Variants in LCLAT1 observed in about 807,000 individuals in gnomAD.
The protein encoded by LCLAT1 is 1-AGP acyltransferase 8.
Under a neutral mutation model 30.7 loss-of-function variants are expected in LCLAT1, and 11 were observed. That is an observed-to-expected ratio of 0.36 (90% confidence interval 0.23 to 0.59). The LOEUF (loss-of-function observed/expected upper bound fraction) is 0.59. Among genes scored for constraint, LCLAT1 ranks in the 20% least tolerant of loss-of-function variants. The probability of loss-of-function intolerance (pLI) is 0.77; values close to 1 mark genes in which losing one functional copy is unlikely to be tolerated. For synonymous variants in LCLAT1, 155 were observed against 151.3 expected (o/e 1.02, Z -0.18); for missense variants, 402 against 458.6 (o/e 0.88, Z 1.13).
chr2:30,509,238 T>C (rs1242148265), intron 1 of LCLAT1, among the ~76,000 whole-genome samples: 2 of 152,174 alleles, frequency 1.3e-5, no homozygotes, highest in African/African-American at 2.4e-5. Context: ...CTTCCTCTCT[T>C]CCTATTTGGA....
chr2:30,561,174 C>T (rs1179014429), intron 3 of LCLAT1, among the ~76,000 whole-genome samples: 2 of 152,108 alleles, frequency 1.3e-5, no homozygotes, highest in African/African-American at 4.8e-5. Context: ...AACTCCTGAC[C>T]TCAGGTGATT....
chr2:30,456,573 C>A (rs1038582034), intron 1 of LCLAT1, among the ~76,000 whole-genome samples: 1 of 151,882 alleles, frequency 6.6e-6, no homozygotes, highest in Admixed American at 6.6e-5. Flanking sequence ...GGGTGGGCCA[C>A]GGTTTTTTTC....
chr2:30,510,513 T>G (rs999705131), intron 1 of LCLAT1, among the ~76,000 whole-genome samples: 1 of 152,250 alleles, frequency 6.6e-6, no homozygotes, highest in African/African-American at 2.4e-5. Flanking sequence ...TGGAACGTTC[T>G]TTGTCTCCAC....
At chr2:30,582,671 A>G (rs1386162579) in intron 5 of LCLAT1, among the ~76,000 whole-genome samples, 1 of 152,156 alleles carries the variant, frequency 6.6e-6, no homozygotes, top group Non-Finnish European at 1.5e-5. Context: ...ATTTTATTTT[A>G]GTTTATTTCT....
chr2:30,560,738 C>T (rs370796588), intron 3 of LCLAT1, among the ~76,000 whole-genome samples: 1 of 152,158 alleles, frequency 6.6e-6, no homozygotes, highest in African/African-American at 2.4e-5. Flanking sequence ...GTCTTAGTTA[C>T]GTTCTTTGTT....
chr2:30,604,920 GA>G (rs1182212000), intron 5 of LCLAT1, among the ~76,000 whole-genome samples: 3 of 152,156 alleles, frequency 2.0e-5, no homozygotes, highest in African/African-American at 7.2e-5. Flanking sequence ...TGCCTGCCAG[GA>G]AAAAGGCTGC....
chr2:30,500,834 C>T (rs1684339069), intron 1 of LCLAT1, among the ~76,000 whole-genome samples: 1 of 152,106 alleles, frequency 6.6e-6, no homozygotes, highest in Non-Finnish European at 1.5e-5. Context: ...TAGAAATTGA[C>T]CCTCTCGGGC....
At chr2:30,555,984 C>T (rs1048824272) in intron 3 of LCLAT1, among the ~76,000 whole-genome samples, 5 of 151,808 alleles carry the variant, frequency 3.3e-5, no homozygotes, top group African/African-American at 4.8e-5. Flanking sequence ...GCAATAGAGA[C>T]GGGGTTTCAC....
chr2:30,609,446 C>G (rs766676350), intron 5 of LCLAT1, among the ~76,000 whole-genome samples: 11 of 152,020 alleles, frequency 7.2e-5, no homozygotes, highest in Non-Finnish European at 1.5e-5. Context: ...ACAGTGTGTA[C>G]TTAATCTGTT....
At chr2:30,482,499 C>T (rs548354100) in intron 1 of LCLAT1, among the ~76,000 whole-genome samples, 2 of 152,200 alleles carry the variant, frequency 1.3e-5, no homozygotes, top group African/African-American at 4.8e-5. Context: ...AAAGTTAATA[C>T]GTAACTTCCT....
chr2:30,545,260 G>A (rs557265917), intron 3 of LCLAT1, among the ~76,000 whole-genome samples: 82 of 152,176 alleles, frequency 5.4e-4, no homozygotes, highest in African/African-American at 1.8e-3. Context: ...GCATCGTAGT[G>A]GTCAACTATA....
At chr2:30,501,835 T>G (rs829665) in intron 1 of LCLAT1, among the ~76,000 whole-genome samples, 94,918 of 152,122 alleles carry the variant, frequency 0.62, 31,298 homozygotes, top group Admixed American at 0.77. Flanking sequence ...GATTAATGTC[T>G]GAATATCAAC....
At chr2:30,573,295 C>T (rs1357037189) in intron 5 of LCLAT1, among the ~76,000 whole-genome samples, 1 of 152,096 alleles carries the variant, frequency 6.6e-6, no homozygotes, top group East Asian at 1.9e-4. Flanking sequence ...TGTATGTTCC[C>T]TGAATTATCA....
intron 5 of LCLAT1, among the ~76,000 whole-genome samples, chr2:30,604,660 C>CAAAA (rs71405526): frequency 1.0e-4 from 10 of 95,878 alleles, no homozygotes; most frequent in Admixed American, 1.2e-4. Context: ...GACTCCGTCT[C>CAAAA]AAAAAAAAAA....
intron 5 of LCLAT1, among the ~76,000 whole-genome samples, chr2:30,605,344 A>C (rs1667388555): frequency 6.6e-6 from 1 of 152,224 alleles, no homozygotes; most frequent in Non-Finnish European, 1.5e-5. Context: ...GCAATCAGTG[A>C]GTAGTCTTGA....
chr2:30,579,458 A>G (rs1666122686), intron 5 of LCLAT1, among the ~76,000 whole-genome samples: 1 of 152,236 alleles, frequency 6.6e-6, no homozygotes, highest in Non-Finnish European at 1.5e-5. Context: ...ATAAAAATGT[A>G]TAACAAACAC....
At chr2:30,489,640 C>T (rs981847627) in intron 1 of LCLAT1, among the ~76,000 whole-genome samples, 3 of 152,166 alleles carry the variant, frequency 2.0e-5, no homozygotes, top group Admixed American at 6.5e-5. Context: ...GCGTGAGCAC[C>T]GCGCCCAGCC....
intron 5 of LCLAT1, among the ~76,000 whole-genome samples, chr2:30,616,804 G>T (rs189990449): frequency 6.6e-6 from 1 of 151,536 alleles, no homozygotes; most frequent in African/African-American, 2.4e-5. Context: ...TGAATGAATA[G>T]GAAAAGATCC....
intron 3 of LCLAT1, among the ~76,000 whole-genome samples, chr2:30,535,622 C>A (rs1686206742): frequency 6.6e-6 from 1 of 152,150 alleles, no homozygotes; most frequent in Non-Finnish European, 1.5e-5. Context: ...TCAAGGCACC[C>A]TACCCAACTG....
Sources: gnomAD v4.1 joint callset for allele counts (sites outside exome capture counted in the v4.1 genomes callset) on GRCh38, gnomAD v4.1.1 for gene constraint, MANE v1.5 for transcripts, NCBI Gene and HGNC (gene_info 2026-07-23, HGNC 2026-07-21) for gene names.